AMMECR1L: variants seen among roughly 807,000 people sequenced by gnomAD.
AMMECR1L encodes the protein AMMECR1 like, also known as AMMECR1-like protein.
Under a neutral mutation model 36.8 loss-of-function variants are expected in AMMECR1L, and 4 were observed. That is an observed-to-expected ratio of 0.11 (90% CI 0.05 to 0.25). The LOEUF (loss-of-function observed/expected upper bound fraction) is 0.25. Ranked by LOEUF, AMMECR1L falls within the 10% of genes least tolerant of loss-of-function variation. AMMECR1L has a pLI of 1.00. For synonymous variants in AMMECR1L, 147 were observed against 148.0 expected (o/e 0.99, Z 0.05); for missense variants, 232 against 392.1 (o/e 0.59, Z 3.45).
intron 2 of AMMECR1L, among the ~76,000 whole-genome samples, chr2:127,879,798 C>A (rs952085387): frequency 6.6e-6 from 1 of 152,174 alleles, no homozygotes; most frequent in Non-Finnish European, 1.5e-5. Context: ...TCCAGCAGCC[C>A]GGCTTTGTGA....
At chr2:127,876,766 C>T (rs551019919) in intron 2 of AMMECR1L, among the ~76,000 whole-genome samples, 1 of 152,214 alleles carries the variant, frequency 6.6e-6, no homozygotes, top group Admixed American at 6.5e-5. Context: ...GCCTATGAAC[C>T]CAGTACTTTG....
chr2:127,865,143 A>G lies in AMMECR1L; in HGVS notation c.884T>C (p.Phe295Ser), dbSNP rs191352809. ...CGGGGCATGAAGAGTGCCGTTCTGG[A>G]AACAGTGCTGTCGGGAAGCAATATA... is the stretch of plus-strand genomic sequence containing the variant. ...AEYIASRQHC[F>S]QNGTLHAPPL... Residue 295 changes from phenylalanine to serine, a missense_variant, in exon 8 of 8, where the codon TTC (phenylalanine) becomes TCC (serine). Coordinates refer to ENST00000272647, the MANE Select transcript of AMMECR1L (RefSeq NM_001199140.2). This position sits in a 1 kb window ranked among gnomAD's most constrained non-coding sequence, Gnocchi z 5.4. 3.0e-5 allele frequency: 48 copies of G among 1,613,986 alleles called. No homozygotes were observed. The Admixed American group carries it at 7.7e-4, about 26-fold the overall frequency.
intron 6 of AMMECR1L, 21 bp from the exon 7 acceptor site, chr2:127,867,017 A>C (rs1218786881): frequency 6.2e-7 from 1 of 1,613,548 alleles, no homozygotes; most frequent in African/African-American, 1.3e-5. Flanking sequence ...GAAAGGCCAC[A>C]CTGAGGTCAA....
At chr2:127,880,936 C>T (rs149064579) in intron 2 of AMMECR1L, among the ~76,000 whole-genome samples, 1 of 152,206 alleles carries the variant, frequency 6.6e-6, no homozygotes, top group East Asian at 1.9e-4. Context: ...CTATTCAGCC[C>T]AAACCAAGGG....
Position 127,873,485 on chromosome 2 carries a change from T to C in AMMECR1L, c.407+343A>G, listed in dbSNP as rs1201240195. The C allele has an allele frequency of 2.0e-6, 2 of 985,348 alleles. No homozygotes were observed. The highest frequency in any genetic ancestry group is 4.7e-5 in the South Asian group (1 of 21,296). 61.0% of individuals were successfully genotyped at this position (985,348 alleles called of 1,614,324 possible). A position where few individuals can be genotyped will look rare whatever the true frequency, so the allele number is the denominator to read the frequency against. The stretch of plus-strand genomic sequence containing the variant: ...CCAACTCACCTGGACTTCAACACTA[T>C]GGGTGTCCCCAATGGTATGGCGTGA... On this transcript the variant is annotated intron_variant, in intron 3 of 7. Coordinates refer to ENST00000272647, the MANE Select transcript of AMMECR1L (RefSeq NM_001199140.2). This position sits in a 1 kb window ranked among gnomAD's most constrained non-coding sequence, Gnocchi z 5.2.
Position 127,863,735 on chromosome 2 carries a change from CA to C in AMMECR1L, c.*1358del, listed in dbSNP as rs1348799343. On this transcript the variant is annotated 3_prime_UTR_variant, in exon 8 of 8. Coordinates refer to ENST00000272647, the MANE Select transcript of AMMECR1L (RefSeq NM_001199140.2). ...CCACTCTCCCTGTGAATCATTTTAG[CA>C]GTGCCTTTGTAACAATATTTTCAAA... 3.9e-5 allele frequency: 6 copies of C among 152,648 alleles called. No individual in the cohort carries two copies. Among genetic ancestry groups the C allele is most frequent in the Admixed American group, 3.3e-4 (5 of 15,284 alleles). 9.5% of individuals were successfully genotyped at this position (152,648 alleles called of 1,614,324 possible). A position where few individuals can be genotyped will look rare whatever the true frequency, so the allele number is the denominator to read the frequency against.
chr2:127,873,392 C>A lies in AMMECR1L; in HGVS notation c.407+436G>T. On this transcript the variant is annotated intron_variant, in intron 3 of 7. Transcript: ENST00000272647. The surrounding 1 kb of genome is among the most constrained non-coding windows in gnomAD (Gnocchi z 5.2). ...ATTTCTCATGAACAAAGTGAGGGGA[C>A]CCCTGTTAACCAAATCGCAGATCCC... is the stretch of plus-strand genomic sequence containing the variant. The A allele has an allele frequency of 5.1e-6, 5 of 985,416 alleles. No individual in the cohort carries two copies. The highest frequency in any genetic ancestry group is 6.0e-6 in the Non-Finnish European group (5 of 829,916). The allele number at this position is 985,416 out of a possible 1,614,324, so 61.0% of individuals were successfully genotyped here.
intron 5 of AMMECR1L, among the ~76,000 whole-genome samples, chr2:127,870,302 G>T (rs1228220016): frequency 7.0e-6 from 1 of 143,092 alleles, no homozygotes; most frequent in Admixed American, 6.9e-5. Flanking sequence ...GACAGAGCGA[G>T]ACTCTGTCTC....
chr2:127,879,333 G>C (rs750817080), intron 2 of AMMECR1L, among the ~76,000 whole-genome samples: 2 of 152,108 alleles, frequency 1.3e-5, no homozygotes, highest in Non-Finnish European at 2.9e-5. Flanking sequence ...CTTCTCTCAA[G>C]ATCTGGGCAT....
rs767739907 is a variant in AMMECR1L, at chr2:127,870,886, C to T, written c.561G>A (p.Glu187=). The T allele has an allele frequency of 3.5e-5, 56 of 1,613,584 alleles. No individual in the cohort carries two copies. The highest frequency in any genetic ancestry group is 4.3e-5 in the Non-Finnish European group (51 of 1,179,906). Residue 187 remains glutamate, a synonymous_variant, in exon 5 of 8, where the codon GAG becomes GAA. Coordinates refer to ENST00000272647, the MANE Select transcript of AMMECR1L (RefSeq NM_001199140.2). ...DSRFPPLTRE[E]LPKLFCSVSL... The stretch of plus-strand genomic sequence containing the variant: ...AGACAGAGCAGAAAAGTTTAGGCAG[C>T]TCCTCTCGGGTCAGGGGGGGAAATC...
Position 127,873,196 on chromosome 2 carries a change from AAGAAAATGC to A in AMMECR1L, c.407+623_407+631del. Reference sequence around the variant, plus strand: ...AGAGCGGCTTCCAATTCTGAGGAAGAAGAAAATGCTAGCATGGAATTCTTCAGTTTACTT... The same window carrying A: ...AGAGCGGCTTCCAATTCTGAGGAAGATAGCATGGAATTCTTCAGTTTACTT... On this transcript the variant is annotated intron_variant, in intron 3 of 7. Coordinates refer to ENST00000272647, the MANE Select transcript of AMMECR1L (RefSeq NM_001199140.2). This position sits in a 1 kb window ranked among gnomAD's most constrained non-coding sequence, Gnocchi z 5.2. The A allele has an allele frequency of 1.0e-6, 1 of 985,486 alleles. No homozygotes were observed. Among genetic ancestry groups the A allele is most frequent in the Non-Finnish European group, 1.2e-6 (1 of 829,940 alleles). 61.0% of individuals were successfully genotyped at this position (985,486 alleles called of 1,614,324 possible).
At chr2:127,866,770 G>T in intron 7 of AMMECR1L, 130 bp downstream of exon 7, 1 of 896,048 alleles carries the variant, frequency 1.1e-6, no homozygotes, top group Non-Finnish European at 1.7e-6. Flanking sequence ...TCCTCAAAAT[G>T]TGAACTTCAC....
In AMMECR1L at chr2:127,865,659, T is replaced by C. The variant is rs901816470; in HGVS notation, c.822-454A>G. Among the ~76,000 whole-genome samples, 6 of 152,178 alleles carry C rather than the reference T, an allele frequency of 3.9e-5. No homozygotes were observed. Among genetic ancestry groups the C allele is most frequent in the Admixed American group, 1.3e-4 (2 of 15,284 alleles). The stretch of plus-strand genomic sequence containing the variant: ...CGCGTAAGAGCAACAAACAAGTTAT[T>C]ATAACTAAAAGGGACACAGATACCT... On this transcript the variant is annotated intron_variant, in intron 7 of 7. Coordinates refer to ENST00000272647, the MANE Select transcript of AMMECR1L (RefSeq NM_001199140.2). This position sits in a 1 kb window ranked among gnomAD's most constrained non-coding sequence, Gnocchi z 5.4.
At position 127,864,871 on chromosome 2, in the gene AMMECR1L, T is replaced by G; in HGVS notation, c.*223A>C. 1 of 370,774 alleles carries G rather than the reference T, an allele frequency of 2.7e-6. No homozygotes were observed. The highest frequency in any genetic ancestry group is 4.5e-5 in the South Asian group (1 of 22,328). 23.0% of individuals were successfully genotyped at this position (370,774 alleles called of 1,614,324 possible). A position where few individuals can be genotyped will look rare whatever the true frequency, so the allele number is the denominator to read the frequency against. On this transcript the variant is annotated 3_prime_UTR_variant, in exon 8 of 8. Transcript: ENST00000272647. ...AGCCCCAATCCAACGGAACCCCATA[T>G]TGAGGAAAGGCTGAGATAAGGCTTG...
rs1316545126 is a variant in AMMECR1L, at chr2:127,864,848, C to A, written c.*246G>T. 2.2e-5 allele frequency: 7 copies of A among 324,614 alleles called. No individual in the cohort carries two copies. The highest frequency in any genetic ancestry group is 1.1e-4 in the East Asian group (2 of 17,442). The allele number at this position is 324,614 out of a possible 1,614,324, so 20.1% of individuals were successfully genotyped here. A position where few individuals can be genotyped will look rare whatever the true frequency, so the allele number is the denominator to read the frequency against. ...GTAATTCCCACTAGTCATGGAGGAG[C>A]CCCAATCCAACGGAACCCCATATTG... On this transcript the variant is annotated 3_prime_UTR_variant, in exon 8 of 8. Coordinates refer to ENST00000272647, the MANE Select transcript of AMMECR1L (RefSeq NM_001199140.2).
chr2:127,882,706 G>A (rs1573567328), intron 2 of AMMECR1L, among the ~76,000 whole-genome samples: 2 of 152,052 alleles, frequency 1.3e-5, no homozygotes, highest in Non-Finnish European at 2.9e-5. Context: ...AGATCCTCCT[G>A]CCTCAGCCTC....
intron 2 of AMMECR1L, among the ~76,000 whole-genome samples, chr2:127,875,392 G>A (rs542072482): frequency 1.3e-5 from 2 of 152,092 alleles, no homozygotes; most frequent in African/African-American, 4.8e-5. Flanking sequence ...AAGGGCAAGT[G>A]GGGGGAGGGA....
rs1210778428 is a variant in AMMECR1L at position 127,873,804 on chromosome 2, GC to G, written c.407+23del. The G allele has an allele frequency of 3.1e-6, 5 of 1,613,052 alleles. No homozygotes were observed. The highest frequency in any genetic ancestry group is 2.7e-5 in the African/African-American group (2 of 74,892). ...AAGATGTCACCATGCCTTCCTCAGTGCCCCCAGCACATGATTTACTCACTAG... is the reference window on the plus strand; with the variant it reads ...AAGATGTCACCATGCCTTCCTCAGTGCCCCAGCACATGATTTACTCACTAG... On this transcript the variant is annotated intron_variant, in intron 3 of 7. Transcript: ENST00000272647. This position sits in a 1 kb window ranked among gnomAD's most constrained non-coding sequence, Gnocchi z 5.2.
At position 127,866,929 on chromosome 2, in the gene AMMECR1L, A is replaced by T. The variant is rs1165511306; in HGVS notation, c.792T>A (p.Ser264Arg). Residue 264 changes from serine to arginine, a missense_variant, in exon 7 of 8, where the codon AGT (serine) becomes AGA (arginine). Transcript: ENST00000272647. ...TGAGTTTGATCGTTTTTCTGAATTC[A>T]CTGGTAATTGGAGCTTTAAAGCCAC... Reference protein sequence around the residue: ...RKGGFKAPITSEFRKTIKLTR... With the variant: ...RKGGFKAPITREFRKTIKLTR... 1 of 1,614,248 alleles carries T rather than the reference A, an allele frequency of 6.2e-7. No homozygotes were observed. The highest frequency in any genetic ancestry group is 1.7e-5 in the Admixed American group (1 of 60,032).
Sources: allele counts gnomAD v4.1 joint callset (sites outside exome capture counted in the v4.1 genomes callset), GRCh38; gene constraint gnomAD v4.1.1; non-coding constraint Gnocchi (gnomAD v3.1); transcripts MANE v1.5; gene names NCBI Gene and HGNC (gene_info 2026-07-23, HGNC 2026-07-21).